ARFIP1: variants seen among roughly 807,000 people sequenced by gnomAD.
ARFIP1 encodes the protein ARF interacting protein 1.
ARFIP1 carries 24 observed loss-of-function variants against 42.5 expected under a neutral mutation model. The observed-to-expected ratio is 0.57, with a 90% CI of 0.41 to 0.80. The LOEUF is 0.80. Among genes scored for constraint, ARFIP1 ranks in the 30% least tolerant of loss-of-function variants. ARFIP1 has a pLI of 0.00. For missense variants in ARFIP1, 354 were observed against 434.0 expected (o/e 0.82, Z 1.64); for synonymous variants, 141 against 153.7 (o/e 0.92, Z 0.61).
chr4:152,896,084 T>C (rs1477269140), intron 8 of ARFIP1, among the ~76,000 whole-genome samples: 1 of 151,872 alleles, frequency 6.6e-6, no homozygotes, highest in Non-Finnish European at 1.5e-5. Context: ...TGGGGTATCA[T>C]GGAAGGCTTC....
intron 8 of ARFIP1, among the ~76,000 whole-genome samples, chr4:152,901,845 C>T (rs538708623): frequency 1.3e-5 from 2 of 152,098 alleles, no homozygotes; most frequent in African/African-American, 4.8e-5. Flanking sequence ...TTATTTCTTT[C>T]GTCTGCTCCA....
chr4:152,818,278 C>G lies in ARFIP1; in HGVS notation c.-9-11347C>G, dbSNP rs555080372. Among the ~76,000 whole-genome samples the G allele has an allele frequency of 2.3e-4, 35 of 152,254 alleles. No homozygotes were observed. The South Asian group carries it at 6.6e-3, about 29-fold the overall frequency. On this transcript the variant is annotated intron_variant, in intron 1 of 8. Transcript: ENST00000353617. ...TGAACCCGACAGAAAATGGTGTCTCCAGAGCTTGGGAAGGGGAGAGACAGC... is the reference window on the plus strand; with the variant it reads ...TGAACCCGACAGAAAATGGTGTCTCGAGAGCTTGGGAAGGGGAGAGACAGC...
intron 5 of ARFIP1, among the ~76,000 whole-genome samples, chr4:152,876,439 A>C (rs1466950274): frequency 1.3e-5 from 2 of 152,246 alleles, no homozygotes; most frequent in African/African-American, 4.8e-5. Context: ...GAGATGATTT[A>C]GGGTATCTGG....
intron 1 of ARFIP1, among the ~76,000 whole-genome samples, chr4:152,818,423 C>G (rs4416459): frequency 0.65 from 98,372 of 151,384 alleles, 32,078 homozygotes; most frequent in Admixed American, 0.72. Context: ...GGAAGGAGCC[C>G]CATCAGGATG....
chr4:152,800,240 A>G (rs1474160740), intron 1 of ARFIP1, among the ~76,000 whole-genome samples: 2 of 152,186 alleles, frequency 1.3e-5, no homozygotes, highest in Non-Finnish European at 1.5e-5. Flanking sequence ...TTTAAAACTT[A>G]TGGGTCAGAT....
chr4:152,899,149 G>A (rs555292463), intron 8 of ARFIP1, among the ~76,000 whole-genome samples: 5 of 152,176 alleles, frequency 3.3e-5, no homozygotes, highest in African/African-American at 1.2e-4. Context: ...TCCAACATCT[G>A]CCTACATATG....
At chr4:152,876,353 T>G (rs1179006418) in intron 5 of ARFIP1, among the ~76,000 whole-genome samples, 4 of 152,314 alleles carry the variant, frequency 2.6e-5, no homozygotes, top group African/African-American at 4.8e-5. Flanking sequence ...CAAAGGTGAC[T>G]CCTGTTATGT....
chr4:152,790,496 T>C (rs1731082195), intron 1 of ARFIP1, among the ~76,000 whole-genome samples: 1 of 152,214 alleles, frequency 6.6e-6, no homozygotes, highest in South Asian at 2.1e-4. Context: ...GAGAGTCTTA[T>C]CATTTTACTT....
intron 2 of ARFIP1, among the ~76,000 whole-genome samples, chr4:152,835,875 G>T (rs1731606534): frequency 1.3e-5 from 2 of 152,276 alleles, no homozygotes; most frequent in African/African-American, 4.8e-5. Flanking sequence ...TAAGTGGTAG[G>T]TAAAAGGGGA....
chr4:152,794,144 A>G (rs1266286595), intron 1 of ARFIP1, among the ~76,000 whole-genome samples: 2 of 152,178 alleles, frequency 1.3e-5, no homozygotes, highest in African/African-American at 4.8e-5. Context: ...TACAAGTAGG[A>G]AATGAACATT....
intron 1 of ARFIP1, among the ~76,000 whole-genome samples, chr4:152,822,642 A>AATCTCAC (rs1332343923): frequency 6.6e-6 from 1 of 152,228 alleles, no homozygotes; most frequent in East Asian, 1.9e-4. Context: ...AACATTCTCC[A>AATCTCAC]AGGTATATCA....
intron 8 of ARFIP1, among the ~76,000 whole-genome samples, chr4:152,900,817 CA>C (rs1269717909): frequency 6.6e-6 from 1 of 152,098 alleles, no homozygotes; most frequent in Non-Finnish European, 1.5e-5. Context: ...GACCTCTTAC[CA>C]AAATATGATT....
At chr4:152,837,141 C>T (rs929047022) in intron 2 of ARFIP1, among the ~76,000 whole-genome samples, 2 of 152,100 alleles carry the variant, frequency 1.3e-5, no homozygotes, top group African/African-American at 4.8e-5. Flanking sequence ...AATATTGCAT[C>T]ATATATATAC....
chr4:152,812,542 A>G (rs1048099826), intron 1 of ARFIP1, among the ~76,000 whole-genome samples: 6 of 152,014 alleles, frequency 3.9e-5, no homozygotes, highest in Non-Finnish European at 7.4e-5. Context: ...TTCTTTTGTC[A>G]TTCTTAACAG....
chr4:152,836,243 A>G (rs1052293176), intron 2 of ARFIP1, among the ~76,000 whole-genome samples: 2 of 152,230 alleles, frequency 1.3e-5, no homozygotes, highest in Non-Finnish European at 2.9e-5. Context: ...GATGTTTTAT[A>G]TACTTGAAAT....
At chr4:152,794,952 T>C (rs1187140304) in intron 1 of ARFIP1, among the ~76,000 whole-genome samples, 1 of 152,194 alleles carries the variant, frequency 6.6e-6, no homozygotes, top group East Asian at 1.9e-4. Context: ...AAGTTTTCTT[T>C]ATTTTCTGAC....
At chr4:152,816,731 A>G (rs958559213) in intron 1 of ARFIP1, among the ~76,000 whole-genome samples, 1 of 152,248 alleles carries the variant, frequency 6.6e-6, no homozygotes, top group African/African-American at 2.4e-5. Flanking sequence ...AATTGTACCT[A>G]GCACATTATA....
intron 4 of ARFIP1, among the ~76,000 whole-genome samples, chr4:152,871,286 C>G (rs529694209): frequency 8.5e-5 from 13 of 152,250 alleles, no homozygotes; most frequent in African/African-American, 3.1e-4. Flanking sequence ...TTAGCTTTAA[C>G]TTACAAATAG....
chr4:152,798,411 A>G (rs1029989548), intron 1 of ARFIP1, among the ~76,000 whole-genome samples: 3 of 152,120 alleles, frequency 2.0e-5, no homozygotes, highest in African/African-American at 7.2e-5. Context: ...TTACGTCCTA[A>G]TTCTTGTTTC....
Sources: gnomAD v4.1 joint callset for allele counts (sites outside exome capture counted in the v4.1 genomes callset) on GRCh38, gnomAD v4.1.1 for gene constraint, MANE v1.5 for transcripts, NCBI Gene and HGNC (gene_info 2026-07-23, HGNC 2026-07-21) for gene names.